Variants in KIAA1671 observed in about 807,000 individuals in gnomAD.
KIAA1671 encodes uncharacterized protein KIAA1671.
In KIAA1671, 52 loss-of-function variants were observed where a neutral mutation model predicts 131.2. The ratio of observed to expected loss-of-function variants is 0.40; its 90% CI spans 0.32 to 0.50. KIAA1671 has a LOEUF of 0.50. KIAA1671 is among the 20% of genes least tolerant of loss of function. The probability of loss-of-function intolerance (pLI) is 0.73; values close to 1 mark genes in which losing one functional copy is unlikely to be tolerated. For synonymous variants in KIAA1671, 1,003 were observed against 961.6 expected (o/e 1.04, Z -0.80); for missense variants, 2,360 against 2,364.2 (o/e 1.00, Z 0.04).
At chr22:25,034,436 T>G (rs1490507591) in intron 4 of KIAA1671, among the ~76,000 whole-genome samples, 1 of 152,096 alleles carries the variant, frequency 6.6e-6, no homozygotes, top group Non-Finnish European at 1.5e-5. Context: ...TTTTCTAGAC[T>G]TTAGTATAAA....
chr22:25,141,385 A>AC (rs1932804753), intron 6 of KIAA1671, among the ~76,000 whole-genome samples: 1 of 143,370 alleles, frequency 7.0e-6, no homozygotes, highest in Non-Finnish European at 1.5e-5. Flanking sequence ...GGCGCCTGCC[A>AC]CCACACCTGG....
chr22:25,004,118 T>A (rs2049982), intron 1 of KIAA1671, among the ~76,000 whole-genome samples: 54,837 of 117,032 alleles, frequency 0.47, 10,383 homozygotes, highest in East Asian at 0.77. Flanking sequence ...TGCCCGGCCA[T>A]TTTTTTTTTT....
intron 6 of KIAA1671, among the ~76,000 whole-genome samples, chr22:25,168,018 G>A (rs2146006822): frequency 6.6e-6 from 1 of 152,288 alleles, no homozygotes; most frequent in South Asian, 2.1e-4. Context: ...AGGCCACACA[G>A]CAGGCTTTTC....
intron 6 of KIAA1671, among the ~76,000 whole-genome samples, chr22:25,113,184 G>A (rs1378332920): frequency 6.6e-6 from 1 of 152,196 alleles, no homozygotes; most frequent in Admixed American, 6.5e-5. Flanking sequence ...AAGCGAAAGT[G>A]CCTACTGTGG....
Position 25,029,061 on chromosome 22 carries a change from G to A in KIAA1671, c.1062G>A (p.Arg354=), listed in dbSNP as rs1926120873. 1 of 1,504,628 alleles carries A rather than the reference G, an allele frequency of 6.6e-7. No individual in the cohort carries two copies. The highest frequency in any genetic ancestry group is 8.9e-7 in the Non-Finnish European group (1 of 1,125,438). The allele number at this position is 1,504,628 out of a possible 1,614,324, so 93.2% of individuals were successfully genotyped here. A position where few individuals can be genotyped will look rare whatever the true frequency, so the allele number is the denominator to read the frequency against. ...FLEVAKKIRE[R]KEKMLSKPEM... ...AGGTGGCCAAGAAAATCCGTGAACG[G>A]AAGGAGAAGATGCTTTCGAAGCCGG... The change falls in exon 3 of 13, where the codon CGG becomes CGA. Residue 354 remains arginine (R), a synonymous_variant. Coordinates refer to ENST00000358431, the MANE Select transcript of KIAA1671 (RefSeq NM_001145206.2).
intron 6 of KIAA1671, among the ~76,000 whole-genome samples, chr22:25,129,058 C>G (rs1229057598): frequency 6.6e-6 from 1 of 152,044 alleles, no homozygotes; most frequent in African/African-American, 2.4e-5. Context: ...GGCTGGGGTT[C>G]TCCCTGCTGT....
Position 25,032,667 on chromosome 22 carries a change from G to A in KIAA1671, c.1600G>A (p.Gly534Ser), listed in dbSNP as rs1926356301. 1.7e-5 allele frequency: 27 copies of A among 1,546,886 alleles called. No homozygotes were observed. Among genetic ancestry groups the A allele is most frequent in the Non-Finnish European group, 2.3e-5 (26 of 1,143,104 alleles). Residue 534 changes from glycine (G) to serine (S), a missense_variant, in exon 4 of 13, where the codon GGC becomes AGC. By Grantham distance (56) the Gly-to-Ser change is moderately conservative. This residue lies in a region of KIAA1671 where 1,185 missense variants were observed against 1,126.2 expected (regional missense o/e 1.05). Coordinates refer to ENST00000358431, the MANE Select transcript of KIAA1671 (RefSeq NM_001145206.2). ...ATATGAGAAGAGTGCTGAGCTGAGC[G>A]GCGAGTTTCCTAAGGAACCGAGAGA... ...VKYEKSAELS[G>S]EFPKEPREKQ...
intron 1 of KIAA1671, among the ~76,000 whole-genome samples, chr22:24,955,976 G>C (rs1921671707): frequency 6.9e-6 from 1 of 144,684 alleles, no homozygotes; most frequent in African/African-American, 2.6e-5. Context: ...AGTGAAGCAA[G>C]ATCATGCCAC....
intron 6 of KIAA1671, among the ~76,000 whole-genome samples, chr22:25,101,035 A>AT (rs1314311630): frequency 6.6e-6 from 1 of 152,092 alleles, no homozygotes; most frequent in African/African-American, 2.4e-5. Flanking sequence ...CCCATTTCTC[A>AT]TTTGTTGTTT....
At chr22:25,182,088 A>G (rs552625553) in intron 10 of KIAA1671, among the ~76,000 whole-genome samples, 349 of 152,150 alleles carry the variant, frequency 2.3e-3, no homozygotes, top group Non-Finnish European at 3.6e-3. Context: ...CTGAGGCAGG[A>G]GAATGGCTTG....
intron 6 of KIAA1671, among the ~76,000 whole-genome samples, chr22:25,067,646 T>C (rs899436733): frequency 6.6e-6 from 1 of 152,124 alleles, no homozygotes; most frequent in African/African-American, 2.4e-5. Context: ...CCATCCTCTC[T>C]TCCTCTCTCC....
Position 25,093,834 on chromosome 22 carries a change from G to GTCTCTCTCTCTC in KIAA1671, c.4530+44473_4530+44474insCTCTCTCTCTCT, listed in dbSNP as rs1568951583. On this transcript the variant is annotated intron_variant, in intron 6 of 12. Transcript: ENST00000358431. Reference sequence around the variant, plus strand: ...TCTGTCTCTCTCTCTTTCTCTCTCTGTCTGTCTCTCTCTCTCTCTCTCTCT... The same window carrying GTCTCTCTCTCTC: ...TCTGTCTCTCTCTCTTTCTCTCTCTGTCTCTCTCTCTCTCTGTCTCTCTCTCTCTCTCTCTCT... Among the ~76,000 whole-genome samples the GTCTCTCTCTCTC allele has an allele frequency of 8.3e-3, 141 of 16,932 alleles. 13 individuals carry two copies. The highest frequency in any genetic ancestry group is 0.011 in the Non-Finnish European group (98 of 9,066). 11.1% of individuals were successfully genotyped at this position (16,932 alleles called of 152,430 possible).
intron 4 of KIAA1671, among the ~76,000 whole-genome samples, chr22:25,035,864 A>G (rs1926561188): frequency 6.6e-6 from 1 of 152,130 alleles, no homozygotes; most frequent in Non-Finnish European, 1.5e-5. Context: ...TTATCTCTAT[A>G]AGTAGACTTT....
intron 4 of KIAA1671, among the ~76,000 whole-genome samples, chr22:25,038,184 T>G (rs1926719748): frequency 6.6e-6 from 1 of 152,146 alleles, no homozygotes; most frequent in Non-Finnish European, 1.5e-5. Flanking sequence ...ATTTTTTTGG[T>G]GTAGACAAGG....
intron 1 of KIAA1671, chr22:25,011,987 C>T (rs1372598835): frequency 6.6e-6 from 1 of 152,146 alleles, no homozygotes; most frequent in Non-Finnish European, 1.5e-5. Flanking sequence ...GAAGTCTTTC[C>T]CATTTCCCCT....
At chr22:25,007,259 G>A (rs557216088) in intron 1 of KIAA1671, among the ~76,000 whole-genome samples, 114 of 152,154 alleles carry the variant, frequency 7.5e-4, no homozygotes, top group Non-Finnish European at 1.4e-3. Flanking sequence ...AGGCCGAGGC[G>A]GGCGGATCAC....
At chr22:25,044,153 T>G (rs1333651434) in intron 5 of KIAA1671, among the ~76,000 whole-genome samples, 1 of 152,222 alleles carries the variant, frequency 6.6e-6, no homozygotes, top group Non-Finnish European at 1.5e-5. Context: ...CATCTGAATC[T>G]CCACGCTGCT....
intron 6 of KIAA1671, among the ~76,000 whole-genome samples, chr22:25,136,958 G>C (rs1266257333): frequency 6.6e-6 from 1 of 152,168 alleles, no homozygotes; most frequent in African/African-American, 2.4e-5. Flanking sequence ...GAAATAGTGA[G>C]GTTTAGCAAG....
chr22:25,025,833 G>C (rs2123897910), intron 2 of KIAA1671, 49 bp downstream of exon 2: 1 of 152,378 alleles, frequency 6.6e-6, no homozygotes, highest in East Asian at 1.9e-4. Context: ...GAGTGTCCAA[G>C]GGCATGGAGA....
Sources: gnomAD v4.1 joint callset for allele counts (sites outside exome capture counted in the v4.1 genomes callset) on GRCh38, gnomAD v4.1.1 for gene constraint, gnomAD v4.1.1 regional missense constraint, MANE v1.5 for transcripts, NCBI Gene and HGNC (gene_info 2026-07-23, HGNC 2026-07-21) for gene names.